Variants in ADAMTSL3 observed in about 807,000 individuals in gnomAD.
The protein encoded by ADAMTSL3 is ADAMTS-like protein 3.
Under a neutral mutation model 201.7 loss-of-function variants are expected in ADAMTSL3, and 128 were observed. The observed-to-expected ratio is 0.63, with a 90% CI of 0.55 to 0.73. The LOEUF is 0.73. ADAMTSL3 is among the 30% of genes least tolerant of loss of function. The probability of loss-of-function intolerance (pLI) is 0.00; values close to 1 mark genes in which losing one functional copy is unlikely to be tolerated. For missense variants in ADAMTSL3, 1,990 were observed against 2,119.6 expected (o/e 0.94, Z 1.20); for synonymous variants, 738 against 748.4 (o/e 0.99, Z 0.23).
At chr15:83,865,863 A>C (rs1340185911) in intron 8 of ADAMTSL3, among the ~76,000 whole-genome samples, 1 of 152,224 alleles carries the variant, frequency 6.6e-6, no homozygotes, top group South Asian at 2.1e-4. Flanking sequence ...CAATCTACTC[A>C]TCTGACAAAG....
intron 17 of ADAMTSL3, among the ~76,000 whole-genome samples, chr15:83,934,336 G>A (rs1357307613): frequency 1.2e-4 from 18 of 152,144 alleles, no homozygotes. Flanking sequence ...GACTTGCATG[G>A]GCCCTGTAGC....
chr15:83,869,407 TG>T (rs2065039880), intron 8 of ADAMTSL3, among the ~76,000 whole-genome samples: 1 of 152,182 alleles, frequency 6.6e-6, no homozygotes, highest in African/African-American at 2.4e-5. Flanking sequence ...CCAAAGTGGT[TG>T]GGGTTTTGTA....
Position 83,955,511 on chromosome 15 carries a change from CTG to C in ADAMTSL3, c.2490+12432_2490+12433del, listed in dbSNP as rs371077723. Among the ~76,000 whole-genome samples, 1,177 of 152,228 alleles carry C rather than the reference CTG, an allele frequency of 7.7e-3. 14 individuals carry two copies. Among genetic ancestry groups the C allele is most frequent in the African/African-American group, 0.026 (1,088 of 41,538 alleles). On this transcript the variant is annotated intron_variant, in intron 19 of 29. Coordinates refer to ENST00000286744, the MANE Select transcript of ADAMTSL3 (RefSeq NM_207517.3). Reference sequence around the variant, plus strand: ...TGAAGCCCACTAGATACTCTATCCACTGTGCTGAGCTGTTACCCGAAGCCAGC... The same window carrying C: ...TGAAGCCCACTAGATACTCTATCCACTGCTGAGCTGTTACCCGAAGCCAGC...
chr15:83,943,076 G>C lies in ADAMTSL3; in HGVS notation c.2484G>C (p.Trp828Cys). 1 of 1,609,280 alleles carries C rather than the reference G, an allele frequency of 6.2e-7. No homozygotes were observed. Among genetic ancestry groups the C allele is most frequent in the Admixed American group, 1.7e-5 (1 of 58,904 alleles). ...CTCCACATTTAGCTGTGGGAGACTG[G>C]TCGAAGGTAAGGGCCAGGCTCAACT... ...DCPPHLAVGDWSKCSVSCGVG... is the reference protein window; with the variant it reads ...DCPPHLAVGDCSKCSVSCGVG... The change falls in exon 19 of 30, where the codon TGG becomes TGC. Residue 828 changes from tryptophan to cysteine, a missense_variant. By Grantham distance (215) the Trp-to-Cys change is radical (BLOSUM62 -2). Coordinates refer to ENST00000286744, the MANE Select transcript of ADAMTSL3 (RefSeq NM_207517.3).
At chr15:83,880,994 GAAGA>G (rs1349527672) in intron 9 of ADAMTSL3, among the ~76,000 whole-genome samples, 1 of 152,012 alleles carries the variant, frequency 6.6e-6, no homozygotes, top group Non-Finnish European at 1.5e-5. Flanking sequence ...GTATATTGTG[GAAGA>G]AAGGTTGTGG....
rs1181791145 is a variant in ADAMTSL3, at chr15:84,031,412, C to A, written c.4734C>A (p.Ser1578=). 6.2e-7 allele frequency: 1 copy of A among 1,613,948 alleles called. No homozygotes were observed. Among genetic ancestry groups the A allele is most frequent in the African/African-American group, 1.3e-5 (1 of 74,900 alleles). ...CTTGTCAACACAACAGCTCTGACTC[C>A]AACTGTGATGACAGAAAGAGGTAGG... The part of the protein sequence containing the change: ...HTACQHNSSD[S]NCDDRKRPTL... Residue 1578 remains serine, a synonymous_variant, in exon 28 of 30, where the codon TCC becomes TCA. Coordinates refer to ENST00000286744, the MANE Select transcript of ADAMTSL3 (RefSeq NM_207517.3).
chr15:83,943,121 G>A, intron 19 of ADAMTSL3, 39 bp downstream of exon 19: 1 of 1,553,558 alleles, frequency 6.4e-7, no homozygotes, highest in Non-Finnish European at 8.7e-7. Flanking sequence ...CTTCTTTTCT[G>A]CCCCTCCTTT....
intron 3 of ADAMTSL3, among the ~76,000 whole-genome samples, chr15:83,761,490 C>G (rs984010769): frequency 3.9e-5 from 6 of 152,154 alleles, no homozygotes; most frequent in African/African-American, 1.2e-4. Context: ...AAGATGAATT[C>G]TCTTTTGTCT....
intron 5 of ADAMTSL3, among the ~76,000 whole-genome samples, chr15:83,805,339 C>G (rs2063584578): frequency 6.6e-6 from 1 of 152,164 alleles, no homozygotes; most frequent in South Asian, 2.1e-4. Flanking sequence ...AGGCAGATCA[C>G]TTTAGGTTAA....
intron 17 of ADAMTSL3, among the ~76,000 whole-genome samples, chr15:83,934,761 A>G (rs2066430570): frequency 6.6e-6 from 1 of 152,214 alleles, no homozygotes; most frequent in African/African-American, 2.4e-5. Flanking sequence ...AAAATAATTC[A>G]TCCAAAAATA....
intron 20 of ADAMTSL3, among the ~76,000 whole-genome samples, chr15:83,979,272 C>T (rs544672711): frequency 6.4e-4 from 98 of 152,342 alleles, no homozygotes; most frequent in African/African-American, 2.3e-3. Flanking sequence ...TGACTGAACA[C>T]AGTTTATGCT....
intron 19 of ADAMTSL3, among the ~76,000 whole-genome samples, chr15:83,961,347 A>G (rs941653755): frequency 3.3e-5 from 5 of 152,180 alleles, no homozygotes; most frequent in Admixed American, 6.6e-5. Context: ...GATCAAACAT[A>G]AACACAATTG....
In ADAMTSL3 at chr15:83,885,224, G is replaced by T. The variant is rs1245535344; in HGVS notation, c.1072+12G>T. ...GACGTGTGGAGGAGGTGAGGCCCAGGCTTTGTTCATGAATATTTAGAGCTC... is the reference window on the plus strand; with the variant it reads ...GACGTGTGGAGGAGGTGAGGCCCAGTCTTTGTTCATGAATATTTAGAGCTC... On this transcript the variant is annotated intron_variant, in intron 10 of 29. Coordinates refer to ENST00000286744, the MANE Select transcript of ADAMTSL3 (RefSeq NM_207517.3). 3.2e-6 allele frequency: 5 copies of T among 1,583,622 alleles called. No individual in the cohort carries two copies. In the East Asian group the frequency reaches 1.1e-4, roughly 35 times the overall value.
At chr15:83,949,021 A>G (rs1342989604) in intron 19 of ADAMTSL3, among the ~76,000 whole-genome samples, 1 of 152,120 alleles carries the variant, frequency 6.6e-6, no homozygotes, top group African/African-American at 2.4e-5. Context: ...AATCCAAATT[A>G]TATTATTTTA....
Position 83,890,264 on chromosome 15 carries a change from A to G in ADAMTSL3, c.1211+17A>G, listed in dbSNP as rs2065478092. ...CCCATCAAGGTTTGTGTCATTGTCC[A>G]CACCCTTTTTACTTCAAAAAGAAAC... On this transcript the variant is annotated intron_variant, in intron 11 of 29. Coordinates refer to ENST00000286744, the MANE Select transcript of ADAMTSL3 (RefSeq NM_207517.3). 6.2e-7 allele frequency: 1 copy of G among 1,612,068 alleles called. No homozygotes were observed. The highest frequency in any genetic ancestry group is 8.5e-7 in the Non-Finnish European group (1 of 1,179,226).
intron 2 of ADAMTSL3, among the ~76,000 whole-genome samples, chr15:83,680,499 A>G (rs1432787099): frequency 1.4e-5 from 2 of 143,844 alleles, no homozygotes; most frequent in African/African-American, 5.2e-5. Flanking sequence ...TTTGATTGGC[A>G]CACCTTAGTT....
At chr15:83,775,551 G>A (rs956766347) in intron 4 of ADAMTSL3, among the ~76,000 whole-genome samples, 1 of 152,144 alleles carries the variant, frequency 6.6e-6, no homozygotes, top group Non-Finnish European at 1.5e-5. Context: ...CTGAAGGTAG[G>A]GAAGGGCAGT....
chr15:83,703,461 A>T (rs541549751), intron 2 of ADAMTSL3, among the ~76,000 whole-genome samples: 4 of 152,182 alleles, frequency 2.6e-5, no homozygotes, highest in Admixed American at 2.0e-4. Context: ...TATAATTCCC[A>T]TGTGTTGTGG....
chr15:83,933,630 G>C (rs2066403670), intron 17 of ADAMTSL3, among the ~76,000 whole-genome samples: 1 of 152,234 alleles, frequency 6.6e-6, no homozygotes, highest in South Asian at 2.1e-4. Context: ...TAATTGCCAA[G>C]ACAATGGGGG....
Sources: allele counts gnomAD v4.1 joint callset (sites outside exome capture counted in the v4.1 genomes callset), GRCh38; gene constraint gnomAD v4.1.1; transcripts MANE v1.5; gene names NCBI Gene and HGNC (gene_info 2026-07-23, HGNC 2026-07-21).